RPSA2: variants seen among roughly 807,000 people sequenced by gnomAD.
The protein encoded by RPSA2 is small ribosomal subunit protein uS2B.
the RPSA2 span, among the ~76,000 whole-genome samples, chr19:23,802,956 A>G: frequency 6.6e-6 from 1 of 152,218 alleles, no homozygotes; most frequent in Non-Finnish European, 1.5e-5. Context: ...TTAGCTTGCT[A>G]AGAACACTTA....
At chr19:23,818,161 G>A in the RPSA2 span, 9 of 152,112 alleles carry the variant, frequency 5.9e-5, no homozygotes, top group African/African-American at 2.2e-4. Context: ...TTTGGCAAAG[G>A]CTGATATTTA....
At chr19:23,780,176 C>T in the RPSA2 span, among the ~76,000 whole-genome samples, 148,892 of 152,236 alleles carry the variant, frequency 0.98, 72,905 homozygotes, top group Middle Eastern at 1. Flanking sequence ...ACCACTCTCT[C>T]GTATATTGTA....
the RPSA2 span, among the ~76,000 whole-genome samples, chr19:23,856,009 G>A: frequency 1.3e-5 from 2 of 152,060 alleles, no homozygotes; most frequent in Admixed American, 6.6e-5. Flanking sequence ...ATCATCTGGG[G>A]GTGACATTAA....
the RPSA2 span, among the ~76,000 whole-genome samples, chr19:23,852,686 G>A: frequency 6.8e-4 from 104 of 152,300 alleles, 1 homozygote; most frequent in Non-Finnish European, 1.4e-3. Context: ...CAGCTTGGGC[G>A]TTAGGGCCAT....
At chr19:23,846,328 T>TG in the RPSA2 span, among the ~76,000 whole-genome samples, 148,900 of 152,236 alleles carry the variant, frequency 0.98, 72,913 homozygotes, top group Middle Eastern at 1. Context: ...TATATTAATA[T>TG]TAAGGCTTTG....
the RPSA2 span, among the ~76,000 whole-genome samples, chr19:23,768,578 C>CT: frequency 0.033 from 318 of 9,614 alleles, 2 homozygotes; most frequent in Non-Finnish European, 0.035. Context: ...GATATTTAAG[C>CT]TTTTTTTTTT....
At chr19:23,820,335 G>C in the RPSA2 span, among the ~76,000 whole-genome samples, 1 of 152,164 alleles carries the variant, frequency 6.6e-6, no homozygotes, top group Non-Finnish European at 1.5e-5. Flanking sequence ...AAATTTGGAG[G>C]CCACCATTTC....
At chr19:23,828,586 T>A in the RPSA2 span, among the ~76,000 whole-genome samples, 1 of 143,538 alleles carries the variant, frequency 7.0e-6, no homozygotes. Context: ...TATCGTTGTA[T>A]ATTCTCATTC....
At chr19:23,840,885 A>C in the RPSA2 span, among the ~76,000 whole-genome samples, 148,884 of 150,290 alleles carry the variant, frequency 0.99, 73,763 homozygotes, top group Middle Eastern at 1. Context: ...TCTCTTGAAC[A>C]CAGGAGGCAG....
the RPSA2 span, among the ~76,000 whole-genome samples, chr19:23,784,051 C>T: frequency 6.6e-6 from 1 of 152,256 alleles, no homozygotes; most frequent in East Asian, 1.9e-4. Flanking sequence ...GTTCTCTACC[C>T]ACAGGTGGAA....
At chr19:23,850,930 C>T in the RPSA2 span, among the ~76,000 whole-genome samples, 1 of 152,136 alleles carries the variant, frequency 6.6e-6, no homozygotes, top group East Asian at 1.9e-4. Flanking sequence ...TCCACAACAG[C>T]CTGTCCCTGA....
the RPSA2 span, among the ~76,000 whole-genome samples, chr19:23,811,661 T>C: frequency 6.7e-6 from 1 of 149,902 alleles, no homozygotes; most frequent in Non-Finnish European, 1.5e-5. Context: ...ATTAGGTAAT[T>C]AGTATGCAGG....
At chr19:23,787,418 T>C in the RPSA2 span, among the ~76,000 whole-genome samples, 6 of 150,298 alleles carry the variant, frequency 4.0e-5, no homozygotes, top group Middle Eastern at 3.4e-3. Context: ...CTGCTTAATA[T>C]TGTGAAACCC....
chr19:23,789,921 G>GC, the RPSA2 span, among the ~76,000 whole-genome samples: 101 of 152,124 alleles, frequency 6.6e-4, no homozygotes, highest in African/African-American at 2.1e-3. Context: ...CAGGTGATCT[G>GC]CTGGCCTCAG....
chr19:23,782,820 G>T, the RPSA2 span, among the ~76,000 whole-genome samples: 1 of 152,104 alleles, frequency 6.6e-6, no homozygotes, highest in Non-Finnish European at 1.5e-5. Context: ...CCTAGGCTAT[G>T]TCTCTCCTCT....
At chr19:23,835,724 C>A in the RPSA2 span, among the ~76,000 whole-genome samples, 1 of 151,930 alleles carries the variant, frequency 6.6e-6, no homozygotes, top group African/African-American at 2.4e-5. Flanking sequence ...GTAGCCTCTG[C>A]CTCTCAGGTT....
the RPSA2 span, among the ~76,000 whole-genome samples, chr19:23,797,719 T>A: frequency 1.3e-5 from 2 of 152,216 alleles, no homozygotes; most frequent in African/African-American, 4.8e-5. Context: ...AATCTAAATC[T>A]CTTCATAGGT....
the RPSA2 span, among the ~76,000 whole-genome samples, chr19:23,799,860 T>C: frequency 1.3e-5 from 2 of 152,338 alleles, no homozygotes; most frequent in South Asian, 4.1e-4. Context: ...ACCTCCCCAA[T>C]GTCCAGGTGA....
chr19:23,758,686 A>T, the RPSA2 span: 2 of 1,613,086 alleles, frequency 1.2e-6, no homozygotes, highest in Non-Finnish European at 1.7e-6. Flanking sequence ...GACTGCGGCG[A>T]GGTCTGAGTC....
Sources: gnomAD v4.1 joint callset for allele counts (sites outside exome capture counted in the v4.1 genomes callset) on GRCh38, gnomAD v4.1.1 for gene constraint, MANE v1.5 for transcripts, NCBI Gene and HGNC (gene_info 2026-07-23, HGNC 2026-07-21) for gene names.